The following GALNT18 variants were observed in gnomAD, a reference collection of about 807,000 sequenced individuals.
GALNT18 encodes the protein GalNAc-transferase 18.
Under a neutral mutation model 69.5 loss-of-function variants are expected in GALNT18, and 44 were observed. The observed-to-expected ratio is 0.63, with a 90% CI of 0.50 to 0.81. The LOEUF is 0.81. Ranked by LOEUF, GALNT18 falls within the 40% of genes least tolerant of loss-of-function variation. The pLI is 0.00. For missense variants in GALNT18, 715 were observed against 810.0 expected, an observed-to-expected ratio of 0.88 and a Z score of 1.42; for synonymous variants, 364 against 318.2, an observed-to-expected ratio of 1.14 and a Z score of -1.53.
In GALNT18 at chr11:11,423,829, T is replaced by C. The variant is rs547212311; in HGVS notation, c.595+8792A>G. On this transcript the variant is annotated intron_variant, in intron 3 of 10. Transcript: ENST00000227756. The stretch of plus-strand genomic sequence containing the variant: ...CTTAACTTCGCTGGGTCTGCCTCCC[T>C]GTTACATCAGGTGACATTGGTAATG... Among the ~76,000 whole-genome samples the C allele has an allele frequency of 7.4e-4, 113 of 152,370 alleles. 1 individual carries two copies. Among genetic ancestry groups the C allele is most frequent in the African/African-American group, 2.7e-3 (112 of 41,594 alleles).
At chr11:11,327,346 G>T (rs892890512) in intron 8 of GALNT18, among the ~76,000 whole-genome samples, 165 bp from the exon 9 acceptor site, 1 of 152,230 alleles carries the variant, frequency 6.6e-6, no homozygotes, top group Non-Finnish European at 1.5e-5. Context: ...TTTGCCTTGC[G>T]TAAAGGTGCT....
rs765745071 is a variant in GALNT18 at position 11,322,856 on chromosome 11, G to C, written c.1512+4230C>G. On this transcript the variant is annotated intron_variant, in intron 9 of 10. Coordinates refer to ENST00000227756, the MANE Select transcript of GALNT18 (RefSeq NM_198516.3). ...CAAGATCAAGATGCTGGTCAATTTAGTTTCTGCTTAGGAACTACTTCCTGG... is the reference window on the plus strand; with the variant it reads ...CAAGATCAAGATGCTGGTCAATTTACTTTCTGCTTAGGAACTACTTCCTGG... Among the ~76,000 whole-genome samples the C allele has an allele frequency of 5.7e-4, 87 of 152,184 alleles. 2 individuals are homozygous for C. The highest frequency in any genetic ancestry group is 2.1e-4 in the Non-Finnish European group (14 of 68,032).
At chr11:11,445,060 T>C (rs1855617969) in intron 2 of GALNT18, among the ~76,000 whole-genome samples, 1 of 152,208 alleles carries the variant, frequency 6.6e-6, no homozygotes, top group Non-Finnish European at 1.5e-5. Flanking sequence ...TTTTCCAACA[T>C]GTAGACGCCG....
rs145550049 is a variant in GALNT18, at chr11:11,613,327, T to C, written c.235+8032A>G. ...ATTCCCAATCACTGCCACAACATACTGTGCTGTGGAGCAGTTGTGAGGTAA... is the reference window on the plus strand; with the variant it reads ...ATTCCCAATCACTGCCACAACATACCGTGCTGTGGAGCAGTTGTGAGGTAA... On this transcript the variant is annotated intron_variant, in intron 1 of 10. Transcript: ENST00000227756. This position sits in a 1 kb window ranked among gnomAD's most constrained non-coding sequence, Gnocchi z 4.2. 1.9e-3 allele frequency among the ~76,000 whole-genome samples: 286 copies of C among 152,300 alleles called. 2 individuals carry two copies. Among genetic ancestry groups the C allele is most frequent in the African/African-American group, 6.6e-3 (275 of 41,558 alleles).
chr11:11,340,960 C>G lies in GALNT18; in HGVS notation c.1137G>C (p.Arg379=). ...GGSVEVLPCS[R]IAHIERAHKP... Reference sequence around the variant, plus strand: ...TGTGGGCTCGCTCAATGTGGGCAATCCGTGAGCAGGGCAGGACCTCCACAC... The same window carrying G: ...TGTGGGCTCGCTCAATGTGGGCAATGCGTGAGCAGGGCAGGACCTCCACAC... The change falls in exon 7 of 11, where the codon CGG becomes CGC. Residue 379 remains arginine, a synonymous_variant. Transcript: ENST00000227756. This position sits in a 1 kb window ranked among gnomAD's most constrained non-coding sequence, Gnocchi z 4.2. 1 of 1,613,410 alleles carries G rather than the reference C, an allele frequency of 6.2e-7. No homozygotes were observed. The highest frequency in any genetic ancestry group is 8.5e-7 in the Non-Finnish European group (1 of 1,179,626).
rs918598260 is a variant in GALNT18, at chr11:11,332,550, G to C, written c.1416+144C>G. The stretch of plus-strand genomic sequence containing the variant: ...CTGTAAAAGTAAAGGCTGTCTTGCA[G>C]GTGCAGAACCCAGCGCCCGGTCCCC... On this transcript the variant is annotated intron_variant, in intron 8 of 10. Coordinates refer to ENST00000227756, the MANE Select transcript of GALNT18 (RefSeq NM_198516.3). The surrounding 1 kb of genome is among the most constrained non-coding windows in gnomAD (Gnocchi z 4.3). 4.9e-6 allele frequency: 4 copies of C among 808,218 alleles called. No homozygotes were observed. The highest frequency in any genetic ancestry group is 7.8e-6 in the Non-Finnish European group (4 of 515,602). The allele number at this position is 808,218 out of a possible 1,614,324, so 50.1% of individuals were successfully genotyped here. A position where few individuals can be genotyped will look rare whatever the true frequency, so the allele number is the denominator to read the frequency against.
intron 3 of GALNT18, among the ~76,000 whole-genome samples, chr11:11,410,839 T>C (rs1419420389): frequency 6.6e-6 from 1 of 152,208 alleles, no homozygotes; most frequent in Non-Finnish European, 1.5e-5. Context: ...TGACCCTTAC[T>C]TAACCCAAGC....
At chr11:11,368,531 A>T (rs1469972799) in intron 6 of GALNT18, among the ~76,000 whole-genome samples, 1 of 151,908 alleles carries the variant, frequency 6.6e-6, no homozygotes, top group South Asian at 2.1e-4. Flanking sequence ...TTTTTTCACA[A>T]TTTTTTCTGG....
intron 3 of GALNT18, among the ~76,000 whole-genome samples, chr11:11,408,388 A>G (rs1854643622): frequency 6.6e-6 from 1 of 150,716 alleles, no homozygotes; most frequent in African/African-American, 2.4e-5. Flanking sequence ...AAAAAAAAAA[A>G]AAGGAATATA....
At chr11:11,608,368 G>C (rs4993126) in intron 1 of GALNT18, among the ~76,000 whole-genome samples, 4 of 150,310 alleles carry the variant, frequency 2.7e-5, no homozygotes, top group African/African-American at 9.8e-5. Flanking sequence ...TTGTTTTTTG[G>C]TTTTTTTTTG....
rs1855888792 is a variant in GALNT18, at chr11:11,454,779, G to A, written c.236-5843C>T. Among the ~76,000 whole-genome samples the A allele has an allele frequency of 1.3e-5, 2 of 152,012 alleles. No individual in the cohort carries two copies. The highest frequency in any genetic ancestry group is 2.9e-5 in the Non-Finnish European group (2 of 68,016). On this transcript the variant is annotated intron_variant, in intron 1 of 10. Transcript: ENST00000227756. This position sits in a 1 kb window ranked among gnomAD's most constrained non-coding sequence, Gnocchi z 4.2. ...GTGTCCTCAAAGCTCTGGCAGACAC[G>A]TTGATACCCATCTTCCCTCCTGAGT... is the stretch of plus-strand genomic sequence containing the variant.
chr11:11,307,425 C>A lies in GALNT18; in HGVS notation c.1513-14232G>T, dbSNP rs58767188. Among the ~76,000 whole-genome samples the A allele has an allele frequency of 8.2e-3, 1,247 of 152,132 alleles. 20 individuals carry two copies. Among genetic ancestry groups the A allele is most frequent in the African/African-American group, 0.028 (1,173 of 41,506 alleles). The stretch of plus-strand genomic sequence containing the variant: ...GCTTTATACATACTTATTTAAATAA[C>A]CCTGGGGAAGAGATGAGGGCATGTC... On this transcript the variant is annotated intron_variant, in intron 9 of 10. Transcript: ENST00000227756.
rs1004915270 is a variant in GALNT18 at position 11,511,828 on chromosome 11, G to C, written c.236-62892C>G. Among the ~76,000 whole-genome samples, 3 of 152,150 alleles carry C rather than the reference G, an allele frequency of 2.0e-5. No homozygotes were observed. Among genetic ancestry groups the C allele is most frequent in the Non-Finnish European group, 4.4e-5 (3 of 68,026 alleles). On this transcript the variant is annotated intron_variant, in intron 1 of 10. Transcript: ENST00000227756. The surrounding 1 kb of genome is among the most constrained non-coding windows in gnomAD (Gnocchi z 4.9). ...ACAACCCAGAAGAGGGCCCTCACCA[G>C]ACCCGGACCACACTGGTACCCTGAT...
At chr11:11,437,227 T>C (rs1260658492) in intron 2 of GALNT18, among the ~76,000 whole-genome samples, 1 of 152,222 alleles carries the variant, frequency 6.6e-6, no homozygotes, top group Admixed American at 6.5e-5. Flanking sequence ...ACCGAGCCCA[T>C]GCTCATTTTG....
chr11:11,272,278 T>C lies in GALNT18; in HGVS notation c.1678-988A>G, dbSNP rs572122889. Among the ~76,000 whole-genome samples, 42 of 152,282 alleles carry C rather than the reference T, an allele frequency of 2.8e-4. No homozygotes were observed. In the South Asian group the frequency reaches 4.4e-3, roughly 16 times the overall value. ...AGCCTCAAGTCCTGGCAATTCTACC[T>C]CTCTTGTGTCATGTGACTGTCCCCT... On this transcript the variant is annotated intron_variant, in intron 10 of 10. Transcript: ENST00000227756.
rs1011728105 is a variant in GALNT18 at position 11,542,583 on chromosome 11, T to C, written c.235+78776A>G. On this transcript the variant is annotated intron_variant, in intron 1 of 10. Transcript: ENST00000227756. The surrounding 1 kb of genome is among the most constrained non-coding windows in gnomAD (Gnocchi z 4.3). The stretch of plus-strand genomic sequence containing the variant: ...ATGCCAAGCTCAAAGAAGAAGGAAC[T>C]AGGTGTCAAAAAGAGAATGTAGAGT... Among the ~76,000 whole-genome samples the C allele has an allele frequency of 6.6e-6, 1 of 152,232 alleles. No individual in the cohort carries two copies. Among genetic ancestry groups the C allele is most frequent in the East Asian group, 1.9e-4 (1 of 5,200 alleles).
At chr11:11,449,078 C>T (rs1007109526) in intron 1 of GALNT18, 142 bp from the exon 2 acceptor site, 4 of 655,942 alleles carry the variant, frequency 6.1e-6, no homozygotes, top group African/African-American at 1.8e-5. Context: ...CTTGGGTTTT[C>T]ATGCTTCCCA....
In GALNT18 at chr11:11,585,584, G is replaced by A. The variant is rs1343200573; in HGVS notation, c.235+35775C>T. On this transcript the variant is annotated intron_variant, in intron 1 of 10. Transcript: ENST00000227756. ...TTGGTCAGGCTGGTCTCGAACTCCC[G>A]ACCTCAGGTGATCCGCCCACCTTGG... Among the ~76,000 whole-genome samples, 7 of 152,094 alleles carry A rather than the reference G, an allele frequency of 4.6e-5. 1 individual carries two copies. The highest frequency in any genetic ancestry group is 2.6e-4 in the Admixed American group (4 of 15,286).
chr11:11,363,331 G>A (rs1302355094), intron 6 of GALNT18, among the ~76,000 whole-genome samples: 1 of 152,038 alleles, frequency 6.6e-6, no homozygotes, highest in Non-Finnish European at 1.5e-5. Flanking sequence ...ATACTTCTTA[G>A]GTTGGTAGGA....
Sources: allele counts gnomAD v4.1 joint callset (sites outside exome capture counted in the v4.1 genomes callset), GRCh38; gene constraint gnomAD v4.1.1; non-coding constraint Gnocchi (gnomAD v3.1); transcripts MANE v1.5; gene names NCBI Gene and HGNC (gene_info 2026-07-23, HGNC 2026-07-21).